ATG7: variants seen among roughly 807,000 people sequenced by gnomAD.
ATG7 encodes ubiquitin-like modifier-activating enzyme ATG7.
Under a neutral mutation model 82.4 loss-of-function variants are expected in ATG7, and 70 were observed. That is an observed-to-expected ratio of 0.85 (90% confidence interval 0.70 to 1.04). ATG7 has a LOEUF of 1.04. Among genes scored for constraint, ATG7 ranks in the 50% least tolerant of loss-of-function variants. The pLI is 0.00. For synonymous variants in ATG7, 287 were observed against 313.0 expected (o/e 0.92, Z 0.88); for missense variants, 792 against 864.3 (o/e 0.92, Z 1.05).
At chr3:11,393,031 GA>G (rs1160875577) in intron 19 of ATG7, among the ~76,000 whole-genome samples, 1 of 152,174 alleles carries the variant, frequency 6.6e-6, no homozygotes, top group Admixed American at 6.5e-5. Context: ...AACAGATGCA[GA>G]AAAATTCTCA....
At chr3:11,444,787 A>G (rs187988279) in intron 20 of ATG7, among the ~76,000 whole-genome samples, 1 of 152,330 alleles carries the variant, frequency 6.6e-6, no homozygotes, top group African/African-American at 2.4e-5. Context: ...AATCTACAGA[A>G]TGGGAGAAAA....
At chr3:11,439,422 G>C (rs1253565818) in intron 20 of ATG7, among the ~76,000 whole-genome samples, 1 of 152,132 alleles carries the variant, frequency 6.6e-6, no homozygotes, top group East Asian at 1.9e-4. Context: ...AGCAGGGAGG[G>C]AAGGGAATGT....
At chr3:11,335,746 C>T (rs1952349694) in intron 11 of ATG7, among the ~76,000 whole-genome samples, 1 of 152,122 alleles carries the variant, frequency 6.6e-6, no homozygotes, top group African/African-American at 2.4e-5. Flanking sequence ...GCTTGAGGCT[C>T]GAGTGCAATG....
intron 20 of ATG7, among the ~76,000 whole-genome samples, chr3:11,529,205 G>T (rs1005474428): frequency 6.6e-6 from 1 of 152,216 alleles, no homozygotes; most frequent in African/African-American, 2.4e-5. Context: ...AGCCAGCCAG[G>T]TTGAAGAGTT....
At chr3:11,567,282 CAGCCCTCAGTG>C in the ATG7 span, among the ~76,000 whole-genome samples, 1 of 152,132 alleles carries the variant, frequency 6.6e-6, no homozygotes, top group Non-Finnish European at 1.5e-5. Flanking sequence ...CGGCGCAGTG[CAGCCCTCAGTG>C]AGCGCCAAGA....
intron 20 of ATG7, among the ~76,000 whole-genome samples, chr3:11,440,818 G>T (rs1357990201): frequency 6.6e-6 from 1 of 150,986 alleles, no homozygotes; most frequent in Non-Finnish European, 1.5e-5. Context: ...CAAGCAGCTG[G>T]GATTACAGGC....
intron 8 of ATG7, among the ~76,000 whole-genome samples, chr3:11,314,231 T>C (rs1949074423): frequency 6.6e-6 from 1 of 152,178 alleles, no homozygotes; most frequent in Admixed American, 6.5e-5. Context: ...GTTAAAATAA[T>C]CAGGCTGGTA....
intron 7 of ATG7, 49 bp from the exon 8 acceptor site, chr3:11,313,255 T>C: frequency 8.0e-7 from 1 of 1,252,984 alleles, no homozygotes; most frequent in Non-Finnish European, 1.1e-6. Context: ...GCATTTCACC[T>C]TAAGTTAATG....
At chr3:11,347,729 C>A (rs1354906880) in intron 13 of ATG7, 148 bp from the exon 14 acceptor site, 1 of 782,398 alleles carries the variant, frequency 1.3e-6, no homozygotes, top group Non-Finnish European at 1.9e-6. Context: ...TTTATCGTAA[C>A]CTGAATTTGC....
At chr3:11,392,017 C>T (rs1351176586) in intron 19 of ATG7, among the ~76,000 whole-genome samples, 2 of 151,360 alleles carry the variant, frequency 1.3e-5, no homozygotes, top group Non-Finnish European at 2.9e-5. Flanking sequence ...ATTGGTTAGG[C>T]TCCTTCAGGC....
chr3:11,412,048 T>A (rs2080956626), intron 19 of ATG7, among the ~76,000 whole-genome samples: 1 of 151,638 alleles, frequency 6.6e-6, no homozygotes, highest in Admixed American at 6.6e-5. Flanking sequence ...AGAAAGCCAA[T>A]CACTGAGACA....
intron 20 of ATG7, among the ~76,000 whole-genome samples, chr3:11,535,402 G>A (rs559658972): frequency 2.3e-4 from 35 of 152,326 alleles, no homozygotes; most frequent in African/African-American, 7.9e-4. Flanking sequence ...AGGAACCCTG[G>A]CTTTTGTGAT....
intron 3 of ATG7, among the ~76,000 whole-genome samples, chr3:11,284,352 A>G (rs1943583679): frequency 6.6e-6 from 1 of 152,174 alleles, no homozygotes. Flanking sequence ...AAATAATTCC[A>G]TCCTTAGCTT....
intron 18 of ATG7, among the ~76,000 whole-genome samples, chr3:11,377,363 G>A (rs1165571068): frequency 6.6e-6 from 1 of 152,200 alleles, no homozygotes; most frequent in East Asian, 1.9e-4. Flanking sequence ...GTCTGGGCCT[G>A]CTGAACGGTG....
At chr3:11,396,397 G>A (rs992719150) in intron 19 of ATG7, among the ~76,000 whole-genome samples, 1 of 151,840 alleles carries the variant, frequency 6.6e-6, no homozygotes, top group African/African-American at 2.4e-5. Flanking sequence ...CTATGATTGT[G>A]CCCTGTACCC....
At chr3:11,425,307 G>A (rs1051198380) in intron 19 of ATG7, among the ~76,000 whole-genome samples, 1 of 152,088 alleles carries the variant, frequency 6.6e-6, no homozygotes, top group Non-Finnish European at 1.5e-5. Context: ...AAGTCTTTGT[G>A]CCCATGTACA....
rs118092106 is a variant in ATG7 at position 11,369,629 on chromosome 3, C to T, written c.1875+4895C>T. Among the ~76,000 whole-genome samples, 425 of 151,166 alleles carry T rather than the reference C, an allele frequency of 2.8e-3. 12 individuals are homozygous for T. The East Asian group carries it at 0.035, about 13-fold the overall frequency. On this transcript the variant is annotated intron_variant, in intron 18 of 20. Coordinates refer to ENST00000693202, the MANE Select transcript of ATG7 (RefSeq NM_001349232.2). ...AGGCCTCTGAATACAAGGAAGGATC[C>T]GGGTATAGGTCTAACAATGTCTGGG... is the stretch of plus-strand genomic sequence containing the variant.
At chr3:11,494,463 T>G (rs1327211745) in intron 20 of ATG7, among the ~76,000 whole-genome samples, 1 of 152,220 alleles carries the variant, frequency 6.6e-6, no homozygotes, top group Non-Finnish European at 1.5e-5. Context: ...TCCATTTCTG[T>G]GTTAATTCAA....
At chr3:11,383,641 G>C (rs984504394) in intron 19 of ATG7, among the ~76,000 whole-genome samples, 4 of 152,084 alleles carry the variant, frequency 2.6e-5, no homozygotes, top group African/African-American at 7.2e-5. Flanking sequence ...GTAGAGACAG[G>C]GTTTCACTCC....
Sources: allele counts gnomAD v4.1 joint callset (sites outside exome capture counted in the v4.1 genomes callset), GRCh38; gene constraint gnomAD v4.1.1; transcripts MANE v1.5; gene names NCBI Gene and HGNC (gene_info 2026-07-23, HGNC 2026-07-21).